The following QDPR variants were observed in gnomAD, a reference collection of about 807,000 sequenced individuals.
The protein encoded by QDPR is quinoid dihydropteridine reductase, also known as dihydropteridine reductase.
In QDPR, 23 loss-of-function variants were observed where a neutral mutation model predicts 31.7. The ratio of observed to expected loss-of-function variants is 0.73; its 90% CI spans 0.52 to 1.03. The LOEUF is 1.03. Ranked by LOEUF, QDPR falls within the 50% of genes least tolerant of loss-of-function variation. The probability of loss-of-function intolerance (pLI) is 0.00; values close to 1 mark genes in which losing one functional copy is unlikely to be tolerated. For synonymous variants in QDPR, 124 were observed against 124.7 expected, an observed-to-expected ratio of 0.99 and a Z score of 0.03; for missense variants, 324 against 323.8, an observed-to-expected ratio of 1.00 and a Z score of 0.00.
Position 17,511,967 on chromosome 4 carries a change from A to C in QDPR, c.88T>G (p.Phe30Val). The change falls in exon 1 of 7, where the codon TTT (phenylalanine) becomes GTT (valine). Residue 30 changes from phenylalanine to valine, a missense_variant. Coordinates refer to ENST00000281243, the MANE Select transcript of QDPR (RefSeq NM_000320.3). Reference protein sequence around the residue: ...GALGSRCVQAFRARNWWVASV... With the variant: ...GALGSRCVQAVRARNWWVASV... Reference sequence around the variant, plus strand: ...AGCATTACCCAGTTGCGGGCCCGAAAAGCCTGCACGCATCGAGAACCCAGA... The same window carrying C: ...AGCATTACCCAGTTGCGGGCCCGAACAGCCTGCACGCATCGAGAACCCAGA... 1 of 1,610,048 alleles carries C rather than the reference A, an allele frequency of 6.2e-7. No homozygotes were observed.
rs150325018 is a variant in QDPR at position 17,501,621 on chromosome 4, G to A, written c.436+98C>T. 10 of 1,414,710 alleles carry A rather than the reference G, an allele frequency of 7.1e-6. No homozygotes were observed. The South Asian group carries it at 9.6e-5, about 14-fold the overall frequency. 87.6% of individuals were successfully genotyped at this position (1,414,710 alleles called of 1,614,324 possible). ...ATCTATCTGTTAAGCAGCTTAGAGG[G>A]TAAAGGCTTTAACAGTCCTCATCCC... is the stretch of plus-strand genomic sequence containing the variant. On this transcript the variant is annotated intron_variant, in intron 4 of 6. Transcript: ENST00000281243.
intron 5 of QDPR, among the ~76,000 whole-genome samples, chr4:17,491,937 T>C (rs996909789): frequency 3.3e-5 from 5 of 152,180 alleles, no homozygotes; most frequent in African/African-American, 9.7e-5. Flanking sequence ...GCGCCATCTA[T>C]GAGGAATGAG....
chr4:17,494,896 T>G (rs1280317942), intron 4 of QDPR, among the ~76,000 whole-genome samples: 1 of 152,120 alleles, frequency 6.6e-6, no homozygotes, highest in Non-Finnish European at 1.5e-5. Flanking sequence ...TTCACAAGGC[T>G]CTGCTGAGGA....
intron 2 of QDPR, among the ~76,000 whole-genome samples, chr4:17,506,203 C>T (rs1718781515): frequency 6.6e-6 from 1 of 152,182 alleles, no homozygotes. Flanking sequence ...GATCTCGGCT[C>T]ATTGCAACCT....
At chr4:17,497,152 T>A (rs1718390946) in intron 4 of QDPR, among the ~76,000 whole-genome samples, 1 of 152,174 alleles carries the variant, frequency 6.6e-6, no homozygotes, top group Admixed American at 6.5e-5. Context: ...TCACTGTAGT[T>A]GGGCCTGGGA....
rs912096307 is a variant in QDPR, at chr4:17,492,108, G to T, written c.545+124C>A. The T allele has an allele frequency of 8.7e-6, 6 of 693,252 alleles. No homozygotes were observed. The Admixed American group carries it at 1.3e-4, about 15-fold the overall frequency. The allele number at this position is 693,252 out of a possible 1,614,324, so 42.9% of individuals were successfully genotyped here. A position where few individuals can be genotyped will look rare whatever the true frequency, so the allele number is the denominator to read the frequency against. ...ATAATAAGTATCTTAAGAGACTTTG[G>T]TGTGTTTCAGAACCAGAGGTGAGAG... On this transcript the variant is annotated intron_variant, in intron 5 of 6. Coordinates refer to ENST00000281243, the MANE Select transcript of QDPR (RefSeq NM_000320.3).
chr4:17,501,967 G>A, intron 3 of QDPR, 108 bp from the exon 4 acceptor site: 5 of 1,390,926 alleles, frequency 3.6e-6, no homozygotes, highest in South Asian at 1.2e-5. Context: ...TGGTCCCCAG[G>A]TCCCTATCTA....
chr4:17,499,132 A>T (rs181780208), intron 4 of QDPR, among the ~76,000 whole-genome samples: 19 of 152,338 alleles, frequency 1.2e-4, no homozygotes, highest in African/African-American at 4.6e-4. Context: ...TTTACAAGGT[A>T]CAACCACCAT....
chr4:17,490,198 C>T (rs1035957925), intron 6 of QDPR: 2 of 209,284 alleles, frequency 9.6e-6, no homozygotes, highest in East Asian at 2.1e-4. Flanking sequence ...TATGTGCCCC[C>T]AGGCCATCTA....
At chr4:17,496,676 C>T (rs1432979160) in intron 4 of QDPR, among the ~76,000 whole-genome samples, 5 of 150,904 alleles carry the variant, frequency 3.3e-5, no homozygotes, top group African/African-American at 1.2e-4. Flanking sequence ...TACTCTGTTG[C>T]CCAGGCTAGA....
chr4:17,509,333 C>T lies in QDPR; in HGVS notation c.136G>A (p.Glu46Lys). The T allele has an allele frequency of 6.2e-7, 1 of 1,614,022 alleles. No individual in the cohort carries two copies. Among genetic ancestry groups the T allele is most frequent in the Non-Finnish European group, 8.5e-7 (1 of 1,179,912 alleles). Residue 46 changes from glutamate (E) to lysine (K), a missense_variant, in exon 2 of 7, where the codon GAA (glutamate) becomes AAA (lysine). Physicochemically the swap from Glu to Lys is moderately conservative, Grantham distance 56. Transcript: ENST00000281243. ...WVASVDVVEN[E>K]EASASIIVKM... ...ACAATGATGCTAGCGCTGGCCTCTTCATTCTCCACCACATCAACGCTGGCA... is the reference window on the plus strand; with the variant it reads ...ACAATGATGCTAGCGCTGGCCTCTTTATTCTCCACCACATCAACGCTGGCA...
chr4:17,507,480 G>A (rs968795892), intron 2 of QDPR, among the ~76,000 whole-genome samples: 22 of 152,174 alleles, frequency 1.4e-4, no homozygotes, highest in Admixed American at 1.0e-3. Context: ...TTTGAGCCCA[G>A]GAGTTCCAGT....
In QDPR at chr4:17,486,991, G is replaced by A. The variant is rs1435121315; in HGVS notation, c.*140C>T. On this transcript the variant is annotated 3_prime_UTR_variant, in exon 7 of 7. Transcript: ENST00000281243. ...ATTACACTGTCCTAGGAGAGCAAAT[G>A]CATATTATGTGAGAGAAAAATAGGA... The A allele has an allele frequency of 6.4e-5, 47 of 730,272 alleles. No homozygotes were observed. In the East Asian group the frequency reaches 1.2e-3, roughly 19 times the overall value. The allele number at this position is 730,272 out of a possible 1,614,324, so 45.2% of individuals were successfully genotyped here.
chr4:17,504,325 T>A, intron 3 of QDPR, 54 bp downstream of exon 3: 1 of 1,518,312 alleles, frequency 6.6e-7, no homozygotes, highest in Non-Finnish European at 9.1e-7. Flanking sequence ...CCAATCCTTG[T>A]CAGCTGGAAA....
chr4:17,506,222 C>T (rs907238413), intron 2 of QDPR, among the ~76,000 whole-genome samples: 8 of 152,138 alleles, frequency 5.3e-5, no homozygotes, highest in African/African-American at 1.9e-4. Flanking sequence ...CTCTGCCTTC[C>T]AGCCTCAAGC....
intron 2 of QDPR, among the ~76,000 whole-genome samples, chr4:17,508,930 G>A (rs1288799963): frequency 2.6e-5 from 4 of 152,108 alleles, no homozygotes; most frequent in South Asian, 2.1e-4. Context: ...AGGCTAAGGC[G>A]GGCGGATCAC....
chr4:17,487,076 C>T lies in QDPR; in HGVS notation c.*55G>A, dbSNP rs371229754. 3 of 1,407,484 alleles carry T rather than the reference C, an allele frequency of 2.1e-6. No individual in the cohort carries two copies. The highest frequency in any genetic ancestry group is 1.2e-5 in the South Asian group (1 of 86,766). The allele number at this position is 1,407,484 out of a possible 1,614,324, so 87.2% of individuals were successfully genotyped here. A position where few individuals can be genotyped will look rare whatever the true frequency, so the allele number is the denominator to read the frequency against. Reference sequence around the variant, plus strand: ...AAACACAAGGCTGGACAAGGCCACACTGAGACAGGTTAGTGACTTTTCTGG... The same window carrying T: ...AAACACAAGGCTGGACAAGGCCACATTGAGACAGGTTAGTGACTTTTCTGG... On this transcript the variant is annotated 3_prime_UTR_variant, in exon 7 of 7. Coordinates refer to ENST00000281243, the MANE Select transcript of QDPR (RefSeq NM_000320.3).
intron 4 of QDPR, 44 bp from the exon 5 acceptor site, chr4:17,492,384 G>A (rs772936104): frequency 6.8e-6 from 10 of 1,475,052 alleles, no homozygotes; most frequent in Admixed American, 1.7e-5. Flanking sequence ...CTGGCGGCCA[G>A]GGGGACAGCA....
chr4:17,494,512 C>T (rs1718283431), intron 4 of QDPR, among the ~76,000 whole-genome samples: 1 of 152,232 alleles, frequency 6.6e-6, no homozygotes, highest in South Asian at 2.1e-4. Context: ...ACACCCTTTC[C>T]CCTCTCCATC....
Sources: allele counts gnomAD v4.1 joint callset (sites outside exome capture counted in the v4.1 genomes callset), GRCh38; gene constraint gnomAD v4.1.1; transcripts MANE v1.5; gene names NCBI Gene and HGNC (gene_info 2026-07-23, HGNC 2026-07-21).